VPS13D: variants seen among roughly 807,000 people sequenced by gnomAD.
VPS13D encodes the protein vacuolar protein sorting 13 homolog D, also known as intermembrane lipid transfer protein VPS13D.
A neutral mutation model predicts 461.9 loss-of-function variants in VPS13D; 187 were observed. That is an observed-to-expected ratio of 0.40 (90% confidence interval 0.36 to 0.46). VPS13D has a LOEUF of 0.46. VPS13D is among the 20% of genes least tolerant of loss of function. The pLI, the probability that VPS13D is intolerant of heterozygous loss-of-function variation, is 0.60. For synonymous variants in VPS13D, 1,951 were observed against 1,986.3 expected (o/e 0.98, Z 0.47); for missense variants, 4,711 against 5,364.9 (o/e 0.88, Z 3.81).
chr1:12,341,985 G>T, intron 41 of VPS13D, 100 bp downstream of exon 41: 2 of 1,005,992 alleles, frequency 2.0e-6, no homozygotes, highest in South Asian at 3.2e-5. Context: ...AGGCTCTTGG[G>T]ATGATATTTG....
chr1:12,410,062 A>AT (rs927832116), intron 63 of VPS13D, among the ~76,000 whole-genome samples: 1 of 152,242 alleles, frequency 6.6e-6, no homozygotes, highest in African/African-American at 2.4e-5. Flanking sequence ...CTTAGACTTC[A>AT]TTGCTACTAA....
In VPS13D at chr1:12,378,571, C is replaced by G; in HGVS notation, c.11061C>G (p.Leu3687=). The G allele has an allele frequency of 6.3e-7, 1 of 1,588,314 alleles. No homozygotes were observed. Among genetic ancestry groups the G allele is most frequent in the Non-Finnish European group, 8.6e-7 (1 of 1,167,718 alleles). ...CTGCCATCTTAGATATTGCTGGTCT[C>G]GCTGCAGTGACTGACAACAGGTAAT... is the stretch of plus-strand genomic sequence containing the variant. ...EGSAILDIAG[L]AAVTDNRYEP... is the part of the protein sequence containing the mutation. The change falls in exon 56 of 70, where the codon CTC becomes CTG. Residue 3687 remains leucine (L), a synonymous_variant. Coordinates refer to ENST00000620676, the MANE Select transcript of VPS13D (RefSeq NM_015378.4).
At chr1:12,327,924 T>G (rs1208781176) in intron 36 of VPS13D, 70 bp downstream of exon 36, 2 of 1,470,344 alleles carry the variant, frequency 1.4e-6, no homozygotes, top group Non-Finnish European at 1.8e-6. Context: ...TTGGGGCCTT[T>G]TTTTTTTTGT....
At chr1:12,423,768 A>G (rs1644890815) in intron 65 of VPS13D, among the ~76,000 whole-genome samples, 1 of 152,236 alleles carries the variant, frequency 6.6e-6, no homozygotes, top group South Asian at 2.1e-4. Flanking sequence ...TCTATCATAT[A>G]TACTATGACC....
At chr1:12,504,610 C>G (rs1248816814) in intron 68 of VPS13D, among the ~76,000 whole-genome samples, 2 of 152,204 alleles carry the variant, frequency 1.3e-5, no homozygotes, top group African/African-American at 4.8e-5. Flanking sequence ...ACCAAGAAAG[C>G]AACGGACTCG....
rs373225343 is a variant in VPS13D, at chr1:12,283,751, C to G, written c.5634+15C>G. The G allele has an allele frequency of 5.0e-5, 80 of 1,595,610 alleles. 3 individuals are homozygous for G. In the Admixed American group the frequency reaches 6.0e-4, roughly 12 times the overall value. ...TGGATCTCAAGGTATCCTCAGTTCC[C>G]TTTGGCTCCCTTAAGCTCTAAAAAT... On this transcript the variant is annotated intron_variant, in intron 21 of 69. Transcript: ENST00000620676.
In VPS13D at chr1:12,268,903, A is replaced by G; in HGVS notation, c.1972+27A>G. The G allele has an allele frequency of 2.5e-6, 4 of 1,595,116 alleles. No homozygotes were observed. In the South Asian group the frequency reaches 3.4e-5, roughly 14 times the overall value. On this transcript the variant is annotated intron_variant, in intron 16 of 69. Coordinates refer to ENST00000620676, the MANE Select transcript of VPS13D (RefSeq NM_015378.4). ...TTAACTTTTTTGTTTGTTTGATCTT[A>G]TGTTCCTTTTGAAAAACATCTTTAT...
intron 55 of VPS13D, among the ~76,000 whole-genome samples, chr1:12,377,820 CAAAAAAAA>C (rs1193875764): frequency 1.3e-5 from 1 of 77,048 alleles, no homozygotes; most frequent in Non-Finnish European, 2.6e-5. Context: ...AACTCCATCC[CAAAAAAAA>C]AAAAAAAAAA....
intron 2 of VPS13D, among the ~76,000 whole-genome samples, chr1:12,239,955 C>T (rs1640290760): frequency 1.3e-5 from 2 of 152,050 alleles, no homozygotes; most frequent in Admixed American, 6.6e-5. Context: ...GCACTCAGTA[C>T]TTTGGGTGTT....
chr1:12,270,339 C>G (rs1246879961), intron 16 of VPS13D, among the ~76,000 whole-genome samples: 1 of 151,516 alleles, frequency 6.6e-6, no homozygotes, highest in Non-Finnish European at 1.5e-5. Context: ...CACCTGTAAT[C>G]CCAGCTACTC....
intron 67 of VPS13D, among the ~76,000 whole-genome samples, chr1:12,476,732 C>T (rs74616620): frequency 1.3e-5 from 2 of 152,248 alleles, no homozygotes; most frequent in African/African-American, 4.8e-5. Flanking sequence ...AAATAGTATA[C>T]AAAAGCATAG....
intron 52 of VPS13D, among the ~76,000 whole-genome samples, chr1:12,365,420 A>G (rs982392978): frequency 1.2e-4 from 18 of 152,140 alleles, no homozygotes; most frequent in African/African-American, 4.3e-4. Flanking sequence ...AGTTTCTTTC[A>G]TCAGGCCGGG....
chr1:12,340,568 G>A (rs1158012948), intron 40 of VPS13D, among the ~76,000 whole-genome samples: 1 of 152,246 alleles, frequency 6.6e-6, no homozygotes, highest in African/African-American at 2.4e-5. Flanking sequence ...GGCAGGACAT[G>A]TTGCAGTTTG....
chr1:12,285,297 T>TTTTA (rs1553174304), intron 21 of VPS13D, among the ~76,000 whole-genome samples: 33 of 136,808 alleles, frequency 2.4e-4, no homozygotes, highest in African/African-American at 7.1e-4. Flanking sequence ...TATTTATTTA[T>TTTTA]TTTTTTTTTT....
rs951509274 is a variant in VPS13D at position 12,502,292 on chromosome 1, T to C, written c.12795-4561T>C. ...TAGAAGAGGACAGATTGGAGAGGCA[T>C]TTAGGAGGCAGCATCAGTGGAACCC... On this transcript the variant is annotated intron_variant, in intron 68 of 69. Coordinates refer to ENST00000620676, the MANE Select transcript of VPS13D (RefSeq NM_015378.4). The surrounding 1 kb of genome is among the most constrained non-coding windows in gnomAD (Gnocchi z 4.3). Among the ~76,000 whole-genome samples, 43 of 152,064 alleles carry C rather than the reference T, an allele frequency of 2.8e-4. No individual in the cohort carries two copies. Among genetic ancestry groups the C allele is most frequent in the African/African-American group, 9.2e-4 (38 of 41,484 alleles).
chr1:12,356,335 C>T (rs890742112), intron 48 of VPS13D, 63 bp from the exon 49 acceptor site: 1 of 1,544,740 alleles, frequency 6.5e-7, no homozygotes, highest in African/African-American at 1.4e-5. Flanking sequence ...ATTCATTCAC[C>T]ATTTGCATCT....
chr1:12,291,633 C>T (rs1055474849), intron 23 of VPS13D, among the ~76,000 whole-genome samples: 63 of 152,092 alleles, frequency 4.1e-4, no homozygotes, highest in Non-Finnish European at 3.1e-4. Flanking sequence ...AACACACACA[C>T]GCACACCCAC....
chr1:12,301,448 A>C (rs1390996897), intron 25 of VPS13D, among the ~76,000 whole-genome samples: 7 of 152,210 alleles, frequency 4.6e-5, no homozygotes, highest in Non-Finnish European at 8.8e-5. Flanking sequence ...CTGGTTGAGC[A>C]TAAAGGCTGT....
chr1:12,290,628 C>G (rs1243084436), intron 22 of VPS13D, among the ~76,000 whole-genome samples: 1 of 151,522 alleles, frequency 6.6e-6, no homozygotes, highest in Admixed American at 6.6e-5. Context: ...GGGGCTGAGG[C>G]AGGAGAATGG....
Sources: gnomAD v4.1 joint callset for allele counts (sites outside exome capture counted in the v4.1 genomes callset) on GRCh38, gnomAD v4.1.1 for gene constraint, Gnocchi (gnomAD v3.1) non-coding constraint, MANE v1.5 for transcripts, NCBI Gene and HGNC (gene_info 2026-07-23, HGNC 2026-07-21) for gene names.